Variants in TOX2 observed in about 807,000 individuals in gnomAD.
The protein encoded by TOX2 is granulosa cell HMG box 1.
Under a neutral mutation model 47.4 loss-of-function variants are expected in TOX2, and 15 were observed. The observed-to-expected ratio is 0.32, with a 90% CI of 0.21 to 0.49. The LOEUF is 0.49. Among genes scored for constraint, TOX2 ranks in the 20% least tolerant of loss-of-function variants. TOX2 has a pLI of 0.99. For synonymous variants in TOX2, 290 were observed against 296.6 expected (o/e 0.98, Z 0.23); for missense variants, 622 against 673.1 (o/e 0.92, Z 0.84).
Position 44,039,067 on chromosome 20 carries a change from T to A in TOX2, c.412-12239T>A, listed in dbSNP as rs919088113. The A allele has an allele frequency of 1.2e-5, 15 of 1,276,930 alleles. No individual in the cohort carries two copies. The East Asian group carries it at 7.3e-4, about 62-fold the overall frequency. 79.1% of individuals were successfully genotyped at this position (1,276,930 alleles called of 1,614,324 possible). A position where few individuals can be genotyped will look rare whatever the true frequency, so the allele number is the denominator to read the frequency against. The stretch of plus-strand genomic sequence containing the variant: ...TCCCAGACATCTCATGAGTGCCGGC[T>A]GCCTGCCCAGCCCTCTGCCTGGTGC... On this transcript the variant is annotated intron_variant, in intron 3 of 8. Coordinates refer to ENST00000341197, the MANE Select transcript of TOX2 (RefSeq NM_001098797.2).
At chr20:44,044,129 G>A (rs1485889830) in intron 3 of TOX2, among the ~76,000 whole-genome samples, 1 of 151,388 alleles carries the variant, frequency 6.6e-6, no homozygotes, top group Non-Finnish European at 1.5e-5. Flanking sequence ...CCTTTGTAGG[G>A]ACATGGATGA....
rs555923791 is a variant in TOX2, at chr20:44,041,139, G to A, written c.412-10167G>A. On this transcript the variant is annotated intron_variant, in intron 3 of 8. Coordinates refer to ENST00000341197, the MANE Select transcript of TOX2 (RefSeq NM_001098797.2). The stretch of plus-strand genomic sequence containing the variant: ...CTGATTCCACAGGGAGCCCTGGAGC[G>A]CAGCTTCACTGCACAGCCAGCAGGG... Among the ~76,000 whole-genome samples the A allele has an allele frequency of 5.3e-5, 8 of 152,330 alleles. No homozygotes were observed. The South Asian group carries it at 1.5e-3, about 28-fold the overall frequency.
chr20:43,977,879 A>C (rs958488194), intron 2 of TOX2, among the ~76,000 whole-genome samples: 1 of 152,182 alleles, frequency 6.6e-6, no homozygotes, highest in Non-Finnish European at 1.5e-5. Flanking sequence ...GATGTGACCC[A>C]GAAAGAGTCT....
intron 1 of TOX2, among the ~76,000 whole-genome samples, chr20:43,917,392 C>A (rs1410958179): frequency 6.6e-6 from 1 of 152,188 alleles, no homozygotes; most frequent in South Asian, 2.1e-4. Context: ...GGAGGGGAAA[C>A]AGGCTCAGGG....
chr20:43,920,387 A>G (rs1031567021), intron 1 of TOX2, among the ~76,000 whole-genome samples: 1 of 152,162 alleles, frequency 6.6e-6, no homozygotes. Context: ...CCTGCCCGGC[A>G]TACTTGGTGG....
chr20:43,978,764 TGTG>T (rs542940996), intron 2 of TOX2, among the ~76,000 whole-genome samples: 37 of 31,636 alleles, frequency 1.2e-3, no homozygotes, highest in African/African-American at 2.8e-3. Flanking sequence ...TGAAAGAACT[TGTG>T]TGTGTGTGTG....
intron 3 of TOX2, among the ~76,000 whole-genome samples, chr20:44,015,349 G>T (rs540539760): frequency 6.6e-6 from 1 of 152,278 alleles, no homozygotes; most frequent in South Asian, 2.1e-4. Context: ...AAACACTCCT[G>T]CAGGGGACCG....
intron 1 of TOX2, chr20:43,946,088 C>A: frequency 6.2e-7 from 1 of 1,605,504 alleles, no homozygotes; most frequent in South Asian, 1.1e-5. Flanking sequence ...GTCAGGCCGT[C>A]ACTGTGGGCT....
intron 1 of TOX2, among the ~76,000 whole-genome samples, chr20:43,925,898 C>G (rs1056825402): frequency 2.0e-5 from 3 of 152,182 alleles, no homozygotes; most frequent in South Asian, 2.1e-4. Context: ...TTAGGCAGAG[C>G]TGGAATTTGG....
intron 1 of TOX2, among the ~76,000 whole-genome samples, chr20:43,935,191 A>C (rs1311767432): frequency 6.6e-6 from 1 of 151,994 alleles, no homozygotes; most frequent in Non-Finnish European, 1.5e-5. Context: ...TTCGGTTCTG[A>C]ATTATTTTCA....
chr20:44,066,032 C>T lies in TOX2; in HGVS notation c.1281C>T (p.Pro427=), dbSNP rs373154433. The change falls in exon 7 of 9, where the codon CCC becomes CCT. Residue 427 remains proline, a synonymous_variant. Transcript: ENST00000341197. ...CACCTGTTAGCATGTCCCCAGCCCC[C>T]CAGCCCCCTGTCCTGCCCACCCCCA... ...LSPPVSMSPA[P]QPPVLPTPMA... is the part of the protein sequence containing the mutation. The T allele has an allele frequency of 1.9e-6, 3 of 1,602,748 alleles. No homozygotes were observed. In the African/African-American group the frequency reaches 4.0e-5, roughly 21 times the overall value.
chr20:43,929,948 T>G (rs888377296), intron 1 of TOX2, among the ~76,000 whole-genome samples: 18 of 152,174 alleles, frequency 1.2e-4, no homozygotes, highest in Non-Finnish European at 1.8e-4. Flanking sequence ...GACATCATGA[T>G]CCACCCGCCT....
At chr20:43,957,183 T>C (rs1407003088) in intron 1 of TOX2, among the ~76,000 whole-genome samples, 2 of 152,268 alleles carry the variant, frequency 1.3e-5, no homozygotes, top group African/African-American at 2.4e-5. Flanking sequence ...CCCTGTAACA[T>C]GACTTTTTAT....
chr20:43,917,910 C>T (rs2069075572), intron 1 of TOX2, among the ~76,000 whole-genome samples: 1 of 152,168 alleles, frequency 6.6e-6, no homozygotes, highest in Admixed American at 6.5e-5. Context: ...CCATGGCTCC[C>T]AGGATCTGTG....
chr20:43,941,202 A>G (rs2069397880), intron 1 of TOX2, among the ~76,000 whole-genome samples: 1 of 151,964 alleles, frequency 6.6e-6, no homozygotes, highest in South Asian at 2.1e-4. Flanking sequence ...GTTGTGGGTT[A>G]CCTTATGTTC....
intron 2 of TOX2, among the ~76,000 whole-genome samples, chr20:43,976,807 C>T (rs147895612): frequency 2.7e-5 from 4 of 150,836 alleles, no homozygotes; most frequent in Non-Finnish European, 5.9e-5. Flanking sequence ...CACACACATA[C>T]ACACATACAC....
rs540106326 is a variant in TOX2, at chr20:43,957,617, G to A, written c.100-15750G>A. On this transcript the variant is annotated intron_variant, in intron 1 of 8. Coordinates refer to ENST00000341197, the MANE Select transcript of TOX2 (RefSeq NM_001098797.2). ...TAAACAAATATTTATTTTCTCACAG[G>A]GCTAGAGGTCAGAAGTATGAGATCA... Among the ~76,000 whole-genome samples, 82 of 149,676 alleles carry A rather than the reference G, an allele frequency of 5.5e-4. No individual in the cohort carries two copies. In the East Asian group the frequency reaches 0.016, roughly 28 times the overall value.
At chr20:44,043,119 C>A (rs926599) in intron 3 of TOX2, among the ~76,000 whole-genome samples, 120,238 of 152,100 alleles carry the variant, frequency 0.79, 47,883 homozygotes, top group African/African-American at 0.88. Flanking sequence ...CACTCAGGGA[C>A]TTGGATGTGG....
At chr20:44,014,061 C>T (rs2070828871) in intron 3 of TOX2, among the ~76,000 whole-genome samples, 1 of 141,652 alleles carries the variant, frequency 7.1e-6, no homozygotes. Flanking sequence ...ACCCGGGAAG[C>T]CAAGGTTGCA....
Sources: gnomAD v4.1 joint callset for allele counts (sites outside exome capture counted in the v4.1 genomes callset) on GRCh38, gnomAD v4.1.1 for gene constraint, MANE v1.5 for transcripts, NCBI Gene and HGNC (gene_info 2026-07-23, HGNC 2026-07-21) for gene names.